Variants in FSTL4 observed in about 807,000 individuals in gnomAD.
The protein encoded by FSTL4 is follistatin like 4.
A neutral mutation model predicts 78.2 loss-of-function variants in FSTL4; 28 were observed. The observed-to-expected ratio is 0.36, with a 90% CI of 0.27 to 0.49. The LOEUF is 0.49. Ranked by LOEUF, FSTL4 falls within the 20% of genes least tolerant of loss-of-function variation. The pLI, the probability that FSTL4 is intolerant of heterozygous loss-of-function variation, is 0.98. For synonymous variants in FSTL4, 422 were observed against 440.5 expected (o/e 0.96, Z 0.53); for missense variants, 922 against 1,084.9 (o/e 0.85, Z 2.11).
At chr5:133,677,354 C>T in the FSTL4 span, among the ~76,000 whole-genome samples, 1 of 152,182 alleles carries the variant, frequency 6.6e-6, no homozygotes, top group African/African-American at 2.4e-5. Context: ...GGTTTAGCCC[C>T]TGCATGGATG....
chr5:133,646,018 T>C, the FSTL4 span, among the ~76,000 whole-genome samples: 1 of 152,178 alleles, frequency 6.6e-6, no homozygotes, highest in Non-Finnish European at 1.5e-5. Context: ...TACCAAGTAC[T>C]GGGGATCCAG....
the FSTL4 span, among the ~76,000 whole-genome samples, chr5:133,676,605 A>G: frequency 1.3e-5 from 2 of 152,232 alleles, no homozygotes; most frequent in Non-Finnish European, 2.9e-5. Flanking sequence ...TAGTGCTAAC[A>G]TTGCCAATTT....
the FSTL4 span, among the ~76,000 whole-genome samples, chr5:133,816,628 T>C: frequency 6.6e-6 from 1 of 152,058 alleles, no homozygotes. Context: ...TGCTGAGAGG[T>C]TTGGCCATTG....
At chr5:133,368,085 G>T (rs1026943260) in intron 4 of FSTL4, among the ~76,000 whole-genome samples, 3 of 152,240 alleles carry the variant, frequency 2.0e-5, no homozygotes, top group African/African-American at 7.2e-5. Context: ...GGAGGGGATT[G>T]CTAAGCCCTT....
chr5:133,214,815 AAG>A (rs1750855105), intron 13 of FSTL4, among the ~76,000 whole-genome samples: 1 of 152,220 alleles, frequency 6.6e-6, no homozygotes, highest in South Asian at 2.1e-4. Context: ...GCAGGAGAGA[AAG>A]AGAAGAATTG....
chr5:133,246,819 A>G (rs1165807249), intron 7 of FSTL4: 2 of 152,240 alleles, frequency 1.3e-5, no homozygotes, highest in East Asian at 3.8e-4. Context: ...AACAATAGTA[A>G]TGATGACAGT....
chr5:133,434,284 T>C (rs1051795585), intron 3 of FSTL4, among the ~76,000 whole-genome samples: 1 of 152,188 alleles, frequency 6.6e-6, no homozygotes, highest in African/African-American at 2.4e-5. Context: ...ATAAAATAAA[T>C]GGAATGTTTT....
At chr5:133,683,118 G>GC in the FSTL4 span, among the ~76,000 whole-genome samples, 63,816 of 152,022 alleles carry the variant, frequency 0.42, 13,497 homozygotes, top group Middle Eastern at 0.49. Context: ...AGGTGTGTCT[G>GC]CCAAGGGGTG....
At chr5:133,607,691 A>T (rs1017135493) in intron 1 of FSTL4, among the ~76,000 whole-genome samples, 3 of 152,302 alleles carry the variant, frequency 2.0e-5, no homozygotes, top group Non-Finnish European at 4.4e-5. Flanking sequence ...GGGAAAATCT[A>T]GAGACAGTAA....
the FSTL4 span, among the ~76,000 whole-genome samples, chr5:133,668,470 C>T: frequency 2.0e-5 from 3 of 152,176 alleles, no homozygotes; most frequent in African/African-American, 7.2e-5. Context: ...AGATACCATA[C>T]CATGCATCTC....
chr5:133,466,968 G>C (rs1157493779), intron 3 of FSTL4, among the ~76,000 whole-genome samples: 1 of 133,424 alleles, frequency 7.5e-6, no homozygotes, highest in African/African-American at 3.8e-5. Flanking sequence ...GTATGTGTGT[G>C]TATGTGTATG....
chr5:133,700,634 C>T, the FSTL4 span, among the ~76,000 whole-genome samples: 7 of 152,248 alleles, frequency 4.6e-5, no homozygotes, highest in African/African-American at 9.6e-5. Context: ...CCCAAACCTA[C>T]TGCAAACAGC....
the FSTL4 span, among the ~76,000 whole-genome samples, chr5:133,705,869 GCACACACACACA>G: frequency 6.8e-6 from 1 of 147,806 alleles, no homozygotes; most frequent in Non-Finnish European, 1.5e-5. Context: ...ACACACACAC[GCACACACACACA>G]CACACACACA....
the FSTL4 span, among the ~76,000 whole-genome samples, chr5:133,738,312 T>A: frequency 6.6e-6 from 1 of 152,222 alleles, no homozygotes; most frequent in Non-Finnish European, 1.5e-5. Flanking sequence ...GTTTTGCTTG[T>A]TTGTGTGTCT....
In FSTL4 at chr5:133,466,338, C is replaced by T. The variant is rs547944511; in HGVS notation, c.161-65352G>A. ...CGGGCAGATCATGGGGTCAGGAGAT[C>T]GAGACCATTCTGGCTAACACGGTGA... On this transcript the variant is annotated intron_variant, in intron 3 of 15. Transcript: ENST00000265342. Among the ~76,000 whole-genome samples, 4 of 152,244 alleles carry T rather than the reference C, an allele frequency of 2.6e-5. No individual in the cohort carries two copies. In the East Asian group the frequency reaches 7.7e-4, roughly 29 times the overall value.
chr5:133,788,419 C>T, the FSTL4 span, among the ~76,000 whole-genome samples: 5 of 152,230 alleles, frequency 3.3e-5, no homozygotes, highest in Admixed American at 6.5e-5. Flanking sequence ...GAGGCTCACA[C>T]GAGGCCTAAA....
At chr5:133,358,700 A>G (rs1754999426) in intron 4 of FSTL4, among the ~76,000 whole-genome samples, 1 of 151,036 alleles carries the variant, frequency 6.6e-6, no homozygotes, top group Middle Eastern at 3.4e-3. Context: ...CCCGGATTCA[A>G]GCGATTCTCA....
intron 6 of FSTL4, among the ~76,000 whole-genome samples, chr5:133,254,277 G>T (rs1581572885): frequency 6.6e-6 from 1 of 152,330 alleles, no homozygotes; most frequent in Non-Finnish European, 1.5e-5. Context: ...CACTCACATT[G>T]TTTCTGTATG....
the FSTL4 span, among the ~76,000 whole-genome samples, chr5:133,782,422 G>C: frequency 6.6e-6 from 1 of 152,198 alleles, no homozygotes; most frequent in Non-Finnish European, 1.5e-5. Flanking sequence ...TTTTCTGTCT[G>C]TCACCTCCAC....
Sources: gnomAD v4.1 joint callset for allele counts (sites outside exome capture counted in the v4.1 genomes callset) on GRCh38, gnomAD v4.1.1 for gene constraint, MANE v1.5 for transcripts, NCBI Gene and HGNC (gene_info 2026-07-23, HGNC 2026-07-21) for gene names.